The following KDM4C variants were observed in gnomAD, a reference collection of about 807,000 sequenced individuals.
KDM4C encodes the protein lysine-specific demethylase 4C.
KDM4C carries 81 observed loss-of-function variants against 129.3 expected under a neutral mutation model. That is an observed-to-expected ratio of 0.63 (90% CI 0.52 to 0.75). KDM4C has a LOEUF of 0.75. Ranked by LOEUF, KDM4C falls within the 30% of genes least tolerant of loss-of-function variation. The probability of loss-of-function intolerance (pLI) is 0.00; values close to 1 mark genes in which losing one functional copy is unlikely to be tolerated. For missense variants in KDM4C, 1,457 were observed against 1,304.0 expected (o/e 1.12, Z -1.81); for synonymous variants, 573 against 456.1 (o/e 1.26, Z -3.26).
chr9:6,780,896 T>C (rs1324286362), intron 1 of KDM4C, among the ~76,000 whole-genome samples: 1 of 152,086 alleles, frequency 6.6e-6, no homozygotes, highest in Non-Finnish European at 1.5e-5. Flanking sequence ...GAGCTCATGA[T>C]TTCATTATGC....
At chr9:6,836,619 T>C (rs1399392298) in intron 4 of KDM4C, among the ~76,000 whole-genome samples, 1 of 152,144 alleles carries the variant, frequency 6.6e-6, no homozygotes, top group Non-Finnish European at 1.5e-5. Context: ...AAAAAATAGT[T>C]TTCTCATGCA....
intron 19 of KDM4C, among the ~76,000 whole-genome samples, chr9:7,153,253 T>G (rs1288910499): frequency 6.6e-6 from 1 of 152,116 alleles, no homozygotes; most frequent in East Asian, 1.9e-4. Flanking sequence ...AAAAATAATT[T>G]TTAAGTGTTT....
chr9:6,867,366 C>G (rs1333983863), intron 5 of KDM4C, among the ~76,000 whole-genome samples: 1 of 152,062 alleles, frequency 6.6e-6, no homozygotes, highest in Non-Finnish European at 1.5e-5. Flanking sequence ...AGGAGTGAAT[C>G]CAGCTTGCTT....
At chr9:7,087,796 T>C (rs1297541452) in intron 17 of KDM4C, among the ~76,000 whole-genome samples, 2 of 152,244 alleles carry the variant, frequency 1.3e-5, no homozygotes, top group Non-Finnish European at 2.9e-5. Context: ...GTTTTATTTC[T>C]AAATGTCAAT....
intron 1 of KDM4C, among the ~76,000 whole-genome samples, chr9:6,791,944 C>T (rs1170109086): frequency 6.6e-6 from 1 of 152,158 alleles, no homozygotes. Context: ...ATCACTGGAA[C>T]CCGGGAGGTC....
intron 15 of KDM4C, among the ~76,000 whole-genome samples, chr9:7,030,499 G>C (rs1826545838): frequency 6.6e-6 from 1 of 152,140 alleles, no homozygotes; most frequent in South Asian, 2.1e-4. Context: ...TTCATCAGTT[G>C]TAACAAATGT....
intron 4 of KDM4C, among the ~76,000 whole-genome samples, chr9:6,839,519 T>C (rs900003241): frequency 3.3e-5 from 5 of 151,144 alleles, no homozygotes; most frequent in African/African-American, 1.2e-4. Context: ...GGATTACAGG[T>C]GTGAGCCACC....
intron 12 of KDM4C, among the ~76,000 whole-genome samples, chr9:6,994,366 G>A (rs1384559853): frequency 6.6e-6 from 1 of 152,062 alleles, no homozygotes; most frequent in Non-Finnish European, 1.5e-5. Context: ...CATTATGTGT[G>A]GCACTCTTTT....
intron 17 of KDM4C, among the ~76,000 whole-genome samples, chr9:7,070,320 A>G (rs1165765770): frequency 6.6e-6 from 1 of 152,206 alleles, no homozygotes; most frequent in African/African-American, 2.4e-5. Flanking sequence ...TTAAAGGAAG[A>G]AATTATAGCA....
At chr9:6,996,493 T>C (rs556453334) in intron 12 of KDM4C, among the ~76,000 whole-genome samples, 1 of 152,258 alleles carries the variant, frequency 6.6e-6, no homozygotes, top group African/African-American at 2.4e-5. Flanking sequence ...TTCCAGCTTT[T>C]CCTACTGTTA....
In KDM4C at chr9:6,806,965, A is replaced by G. The variant is rs144804004; in HGVS notation, c.320+1191A>G. On this transcript the variant is annotated intron_variant, in intron 3 of 21. Transcript: ENST00000381309. ...TCATGCGGAGCGGAAGCTGGACTGT[A>G]CTGCTGCCATCTCCGCTCACTGCAA... is the stretch of plus-strand genomic sequence containing the variant. Among the ~76,000 whole-genome samples the G allele has an allele frequency of 2.8e-3, 427 of 150,816 alleles. 1 individual carries two copies. The highest frequency in any genetic ancestry group is 5.0e-3 in the Non-Finnish European group (341 of 67,878).
chr9:6,918,052 A>T (rs1296416613), intron 8 of KDM4C, among the ~76,000 whole-genome samples: 1 of 152,156 alleles, frequency 6.6e-6, no homozygotes, highest in Non-Finnish European at 1.5e-5. Flanking sequence ...CAGAGGGTAG[A>T]TGTGCAGGTT....
intron 1 of KDM4C, among the ~76,000 whole-genome samples, chr9:6,771,958 C>A (rs531553289): frequency 4.6e-5 from 7 of 152,176 alleles, no homozygotes; most frequent in African/African-American, 1.4e-4. Context: ...TTCCAGCCCC[C>A]CTGAGGGAGA....
chr9:7,084,568 A>G (rs1161123278), intron 17 of KDM4C, among the ~76,000 whole-genome samples: 2 of 152,228 alleles, frequency 1.3e-5, no homozygotes, highest in Non-Finnish European at 2.9e-5. Context: ...GGCTGCTATC[A>G]TCAATGATTC....
chr9:6,949,186 G>A (rs1241546184), intron 8 of KDM4C, among the ~76,000 whole-genome samples: 27 of 147,878 alleles, frequency 1.8e-4, no homozygotes, highest in South Asian at 4.4e-4. Context: ...GCTGCCGGGC[G>A]GAGGGGCTCC....
upstream of KDM4C, chr9:6,757,550 G>A: frequency 1.2e-6 from 1 of 860,914 alleles, no homozygotes; most frequent in African/African-American, 1.8e-5. Flanking sequence ...TCGCCGGAGA[G>A]CTGCGAGCCC....
intron 18 of KDM4C, among the ~76,000 whole-genome samples, chr9:7,117,560 C>T (rs1225083271): frequency 7.3e-5 from 11 of 151,496 alleles, no homozygotes; most frequent in African/African-American, 2.4e-5. Flanking sequence ...TTATTTTCAA[C>T]ATTGCTTTGA....
intron 19 of KDM4C, among the ~76,000 whole-genome samples, chr9:7,134,829 A>G (rs1023975746): frequency 3.3e-5 from 5 of 152,186 alleles, no homozygotes; most frequent in African/African-American, 1.2e-4. Flanking sequence ...ATAAACCTGC[A>G]GTTATTGGGC....
chr9:6,987,363 A>G (rs140833938), intron 11 of KDM4C, among the ~76,000 whole-genome samples: 85 of 152,334 alleles, frequency 5.6e-4, no homozygotes, highest in African/African-American at 1.9e-3. Context: ...ATTGTACAAT[A>G]TTGTCCTTGT....
Sources: allele counts gnomAD v4.1 joint callset (sites outside exome capture counted in the v4.1 genomes callset), GRCh38; gene constraint gnomAD v4.1.1; transcripts MANE v1.5; gene names NCBI Gene and HGNC (gene_info 2026-07-23, HGNC 2026-07-21).